ZNF410: variants seen among roughly 807,000 people sequenced by gnomAD.
The protein encoded by ZNF410 is zinc finger protein 410, also known as another partner for ARF 1.
ZNF410 carries 18 observed loss-of-function variants against 54.8 expected under a neutral mutation model. That is an observed-to-expected ratio of 0.33 (90% CI 0.23 to 0.49). The LOEUF is 0.49. ZNF410 is among the 20% of genes least tolerant of loss of function. ZNF410 has a pLI of 0.99. For missense variants in ZNF410, 405 were observed against 569.6 expected, an observed-to-expected ratio of 0.71 and a Z score of 2.94; for synonymous variants, 191 against 207.3, an observed-to-expected ratio of 0.92 and a Z score of 0.68.
At chr14:73,894,388 A>G (rs1566651062) in intron 3 of ZNF410, 3 of 702,586 alleles carry the variant, frequency 4.3e-6, no homozygotes, top group African/African-American at 3.5e-5. Context: ...AGAGGATGGA[A>G]AGTCAGGCTG....
intron 5 of ZNF410, 84 bp downstream of exon 5, chr14:73,898,346 T>G: frequency 7.3e-7 from 1 of 1,363,168 alleles, no homozygotes; most frequent in South Asian, 1.2e-5. Context: ...TTGTATATAA[T>G]TTAAATTATT....
At chr14:73,918,684 GC>G (rs1356357907) in intron 8 of ZNF410, among the ~76,000 whole-genome samples, 4 of 132,806 alleles carry the variant, frequency 3.0e-5, no homozygotes, top group Admixed American at 2.4e-4. Context: ...ATTTCATATG[GC>G]CTTTTTTTTT....
chr14:73,890,170 C>CA lies in ZNF410; in HGVS notation c.-149-1850dup, dbSNP rs745691389. ...AAGAGAGAGGGAGAAACCAACAGGA[C>CA]AAAAAAACATTTATTCAGTTACTTT... On this transcript the variant is annotated intron_variant, in intron 1 of 11. Transcript: ENST00000555044. Among the ~76,000 whole-genome samples, 10 of 147,788 alleles carry CA rather than the reference C, an allele frequency of 6.8e-5. No homozygotes were observed. In the East Asian group the frequency reaches 1.8e-3, roughly 27 times the overall value.
chr14:73,919,447 G>A (rs1364044532), intron 8 of ZNF410, among the ~76,000 whole-genome samples: 1 of 152,108 alleles, frequency 6.6e-6, no homozygotes, highest in Non-Finnish European at 1.5e-5. Flanking sequence ...TTGCCCCGTA[G>A]CCGCTTTTGG....
chr14:73,901,282 A>G (rs2055402371), intron 5 of ZNF410, among the ~76,000 whole-genome samples: 1 of 152,200 alleles, frequency 6.6e-6, no homozygotes, highest in South Asian at 2.1e-4. Context: ...AACAGAAACC[A>G]TACGGCAGCC....
chr14:73,904,881 C>T (rs377313702), intron 6 of ZNF410, 21 bp from the exon 7 acceptor site: 9 of 1,609,462 alleles, frequency 5.6e-6, no homozygotes, highest in Non-Finnish European at 7.6e-6. Flanking sequence ...GATATTTTTC[C>T]TTATGTGATT....
At chr14:73,891,477 C>G (rs954651383) in intron 1 of ZNF410, among the ~76,000 whole-genome samples, 5 of 152,070 alleles carry the variant, frequency 3.3e-5, no homozygotes, top group African/African-American at 1.2e-4. Context: ...CCTCAGTCTC[C>G]CGAGTAGCTG....
chr14:73,910,806 G>T, intron 8 of ZNF410, among the ~76,000 whole-genome samples: 1 of 142,018 alleles, frequency 7.0e-6, no homozygotes, highest in African/African-American at 2.8e-5. Flanking sequence ...AGGCTGCAGT[G>T]AGTTGTGATT....
At chr14:73,910,863 A>G (rs1326799060) in intron 8 of ZNF410, among the ~76,000 whole-genome samples, 1 of 141,936 alleles carries the variant, frequency 7.0e-6, no homozygotes, top group Non-Finnish European at 1.5e-5. Context: ...CCCTGTCTCA[A>G]AAAAAAAAAA....
intron 1 of ZNF410, 188 bp from the exon 2 acceptor site, chr14:73,891,839 A>C (rs2055234935): frequency 1.7e-6 from 1 of 584,386 alleles, no homozygotes; most frequent in African/African-American, 1.9e-5. Context: ...TACTGCATCA[A>C]AGCGTAGTAT....
intron 8 of ZNF410, among the ~76,000 whole-genome samples, chr14:73,917,752 G>T (rs541354817): frequency 5.2e-4 from 79 of 152,240 alleles, no homozygotes; most frequent in Non-Finnish European, 8.5e-4. Flanking sequence ...GAACCTGGGA[G>T]GGGGAGGTTG....
At chr14:73,923,814 T>A (rs781164873) in intron 11 of ZNF410, among the ~76,000 whole-genome samples, 9 of 152,142 alleles carry the variant, frequency 5.9e-5, no homozygotes, top group African/African-American at 9.7e-5. Context: ...GATACAGCTT[T>A]TATTTTATAA....
intron 8 of ZNF410, among the ~76,000 whole-genome samples, chr14:73,917,776 T>G (rs931723650): frequency 2.8e-4 from 42 of 152,014 alleles, no homozygotes; most frequent in African/African-American, 9.7e-4. Context: ...TGAACCGAGA[T>G]CATGCCACTG....
At chr14:73,920,869 G>T in intron 8 of ZNF410, 111 bp from the exon 9 acceptor site, 1 of 1,407,168 alleles carries the variant, frequency 7.1e-7, no homozygotes, top group Non-Finnish European at 9.7e-7. Context: ...ATGGGAAAAG[G>T]AGCAGCTGCT....
intron 5 of ZNF410, among the ~76,000 whole-genome samples, chr14:73,903,214 C>T (rs1281222173): frequency 3.3e-5 from 5 of 151,904 alleles, no homozygotes; most frequent in South Asian, 4.2e-4. Context: ...CTGCAGCCTC[C>T]GCCTCCCGGA....
chr14:73,894,165 A>C (rs1595385646), intron 3 of ZNF410, among the ~76,000 whole-genome samples: 3 of 152,244 alleles, frequency 2.0e-5, no homozygotes, highest in Admixed American at 2.0e-4. Context: ...TCAGTGCAAA[A>C]CTATGGAACT....
intron 1 of ZNF410, 101 bp from the exon 2 acceptor site, chr14:73,891,926 C>G (rs1595383498): frequency 1.6e-6 from 1 of 608,856 alleles, no homozygotes; most frequent in African/African-American, 1.9e-5. Flanking sequence ...TATTTGCTTG[C>G]TTGTTGTGAT....
At chr14:73,930,407 C>T (rs975299166) in intron 11 of ZNF410, among the ~76,000 whole-genome samples, 2 of 152,196 alleles carry the variant, frequency 1.3e-5, no homozygotes, top group Non-Finnish European at 2.9e-5. Flanking sequence ...AAGCAATCCT[C>T]CTCCCTCAGC....
intron 8 of ZNF410, chr14:73,916,427 T>C (rs2055668363): frequency 6.6e-6 from 1 of 152,208 alleles, no homozygotes; most frequent in Non-Finnish European, 1.5e-5. Context: ...GTGATTCACT[T>C]GCCTTGGCTT....
Sources: allele counts gnomAD v4.1 joint callset (sites outside exome capture counted in the v4.1 genomes callset), GRCh38; gene constraint gnomAD v4.1.1; transcripts MANE v1.5; gene names NCBI Gene and HGNC (gene_info 2026-07-23, HGNC 2026-07-21).